RUNX1T1: variants seen among roughly 807,000 people sequenced by gnomAD.
The protein encoded by RUNX1T1 is protein CBFA2T1.
RUNX1T1 carries 4 observed loss-of-function variants against 62.8 expected under a neutral mutation model. That is an observed-to-expected ratio of 0.06 (90% confidence interval 0.03 to 0.15). The LOEUF (loss-of-function observed/expected upper bound fraction) is 0.15, where lower values mean the gene tolerates loss of function less well. Ranked by LOEUF, RUNX1T1 falls within the 10% of genes least tolerant of loss-of-function variation. The pLI, the probability that RUNX1T1 is intolerant of heterozygous loss-of-function variation, is 1.00. For synonymous variants in RUNX1T1, 291 were observed against 286.0 expected, an observed-to-expected ratio of 1.02 and a Z score of -0.18; for missense variants, 508 against 754.3, an observed-to-expected ratio of 0.67 and a Z score of 3.82.
intron 1 of RUNX1T1, among the ~76,000 whole-genome samples, chr8:92,045,680 T>C (rs890524193): frequency 6.6e-6 from 1 of 152,088 alleles, no homozygotes; most frequent in African/African-American, 2.4e-5. Flanking sequence ...CCCTAATCAG[T>C]CTCCACTTTT....
rs1173695586 is a variant in RUNX1T1 at position 91,959,447 on chromosome 8, T to C, written c.*795A>G. 2.4e-3 allele frequency: 264 copies of C among 109,984 alleles called. 2 individuals carry two copies. Among genetic ancestry groups the C allele is most frequent in the East Asian group, 9.0e-3 (78 of 8,698 alleles). 6.8% of individuals were successfully genotyped at this position (109,984 alleles called of 1,614,324 possible). On this transcript the variant is annotated 3_prime_UTR_variant, in exon 11 of 11. Coordinates refer to ENST00000396218, the Ensembl canonical transcript of RUNX1T1. ...GTGTGTGTGTGTGTGTGTGTGTGTG[T>C]GTGTGTGTGTGTGTGTGTGTATATG...
At chr8:91,987,428 T>C (rs1372301693) in intron 6 of RUNX1T1, among the ~76,000 whole-genome samples, 1 of 152,196 alleles carries the variant, frequency 6.6e-6, no homozygotes, top group African/African-American at 2.4e-5. Context: ...TAAATTTTTC[T>C]ACATGTCAGC....
intron 1 of RUNX1T1, among the ~76,000 whole-genome samples, chr8:92,057,159 C>T (rs146429720): frequency 1.6e-4 from 25 of 152,258 alleles, no homozygotes; most frequent in Middle Eastern, 3.4e-3. Context: ...ATGATGAAGG[C>T]TAATGCTTTT....
chr8:92,053,341 TGGGAG>T (rs1481389024), intron 1 of RUNX1T1, among the ~76,000 whole-genome samples: 3 of 152,166 alleles, frequency 2.0e-5, no homozygotes, highest in Non-Finnish European at 4.4e-5. Flanking sequence ...GTATGCCTGA[TGGGAG>T]ACTGAAACAT....
chr8:91,969,949 A>AT (rs1812434104), intron 10 of RUNX1T1, among the ~76,000 whole-genome samples: 2 of 151,818 alleles, frequency 1.3e-5, no homozygotes, highest in South Asian at 4.2e-4. Context: ...TGCAGGCAAT[A>AT]TTTTAAAAAT....
chr8:92,043,156 C>A (rs142879107), intron 1 of RUNX1T1, among the ~76,000 whole-genome samples: 90 of 152,294 alleles, frequency 5.9e-4, no homozygotes, highest in African/African-American at 2.1e-3. Flanking sequence ...ATACATATTT[C>A]TCAGACCTCT....
At chr8:92,075,908 T>A in intron 2 of RUNX1T1, 57 bp downstream of exon 2, 1 of 1,446,544 alleles carries the variant, frequency 6.9e-7, no homozygotes, top group Non-Finnish European at 9.4e-7. Flanking sequence ...AAAAAATAGA[T>A]TGATTTTTCT....
chr8:92,084,540 A>C (rs1327718466), intron 1 of RUNX1T1, among the ~76,000 whole-genome samples: 1 of 152,208 alleles, frequency 6.6e-6, no homozygotes, highest in African/African-American at 2.4e-5. Context: ...TCAAGGCATG[A>C]GCTCTCAATA....
intron 1 of RUNX1T1, among the ~76,000 whole-genome samples, chr8:92,061,427 CT>C (rs1474786520): frequency 6.6e-6 from 1 of 152,088 alleles, no homozygotes; most frequent in African/African-American, 2.4e-5. Context: ...TTAAAATGAC[CT>C]TTCAAAGACC....
chr8:92,044,347 T>C (rs1197911926), intron 1 of RUNX1T1, among the ~76,000 whole-genome samples: 1 of 152,158 alleles, frequency 6.6e-6, no homozygotes, highest in Non-Finnish European at 1.5e-5. Context: ...TGTGAATGAG[T>C]AAACCAATGT....
intron 8 of RUNX1T1, among the ~76,000 whole-genome samples, chr8:91,983,295 C>T (rs1175353677): frequency 6.6e-6 from 1 of 152,092 alleles, no homozygotes; most frequent in African/African-American, 2.4e-5. Context: ...ACCCCCTATA[C>T]TCACTCAATA....
At chr8:92,089,328 AATT>A (rs1836612260) in intron 1 of RUNX1T1, among the ~76,000 whole-genome samples, 2 of 152,174 alleles carry the variant, frequency 1.3e-5, no homozygotes, top group African/African-American at 4.8e-5. Context: ...TGAATTATTT[AATT>A]ATTTTAGAAG....
chr8:91,955,834 G>A (rs1440111684), downstream of RUNX1T1: 1 of 227,674 alleles, frequency 4.4e-6, no homozygotes, highest in Non-Finnish European at 8.7e-6. Flanking sequence ...TCACAGGGTA[G>A]GGGAGAAGGG....
chr8:92,099,078 A>G (rs1347852900), intron 1 of RUNX1T1, among the ~76,000 whole-genome samples: 1 of 152,188 alleles, frequency 6.6e-6, no homozygotes, highest in African/African-American at 2.4e-5. Context: ...AGGTTCACAG[A>G]GGTGTTTTAG....
intron 5 of RUNX1T1, among the ~76,000 whole-genome samples, chr8:91,993,492 G>C (rs549361730): frequency 6.6e-6 from 1 of 152,084 alleles, no homozygotes; most frequent in South Asian, 2.1e-4. Flanking sequence ...GGACCCTTAG[G>C]ACTCAGCCGT....
chr8:92,040,284 T>C lies in RUNX1T1; in HGVS notation c.7+22262A>G, dbSNP rs554644866. ...TACCTTCTTTGGGCTCTATTTTACA[T>C]ACATTTATTAGCAAACTTAGCATCA... On this transcript the variant is annotated intron_variant, in intron 1 of 10. Coordinates refer to ENST00000396218, the Ensembl canonical transcript of RUNX1T1. Among the ~76,000 whole-genome samples the C allele has an allele frequency of 5.3e-5, 8 of 152,320 alleles. No homozygotes were observed. The East Asian group carries it at 1.5e-3, about 29-fold the overall frequency.
At chr8:92,063,024 C>T, upstream of RUNX1T1, 1 of 1,035,752 alleles carries the variant, frequency 9.7e-7, no homozygotes, top group Non-Finnish European at 1.2e-6. Flanking sequence ...AAATGTAGAC[C>T]TGGCCCCCTA....
chr8:92,079,209 TTAACTC>T (rs1834867773), intron 1 of RUNX1T1, among the ~76,000 whole-genome samples: 2 of 152,234 alleles, frequency 1.3e-5, no homozygotes, highest in African/African-American at 4.8e-5. Context: ...GAATCAAACC[TTAACTC>T]TAACTCTTTT....
intron 10 of RUNX1T1, among the ~76,000 whole-genome samples, chr8:91,966,639 T>C (rs1247766724): frequency 2.0e-5 from 3 of 152,018 alleles, no homozygotes; most frequent in Admixed American, 6.6e-5. Flanking sequence ...AAATGAAAAA[T>C]AGAAATAAAT....
Sources: gnomAD v4.1 joint callset for allele counts (sites outside exome capture counted in the v4.1 genomes callset) on GRCh38, gnomAD v4.1.1 for gene constraint, MANE v1.5 for transcripts, NCBI Gene and HGNC (gene_info 2026-07-23, HGNC 2026-07-21) for gene names.